The following ZNF148 variants were observed in gnomAD, a reference collection of about 807,000 sequenced individuals.
The protein encoded by ZNF148 is Beta-Enolase Repressor Factor-1.
ZNF148 carries 7 observed loss-of-function variants against 67.7 expected under a neutral mutation model. The observed-to-expected ratio is 0.10, with a 90% CI of 0.06 to 0.19. ZNF148 has a LOEUF of 0.19. ZNF148 is among the 10% of genes least tolerant of loss of function. ZNF148 has a pLI of 1.00. For synonymous variants in ZNF148, 333 were observed against 330.7 expected (o/e 1.01, Z -0.08); for missense variants, 583 against 947.1 (o/e 0.62, Z 5.05).
At chr3:125,255,930 T>G (rs539637215) in intron 7 of ZNF148, among the ~76,000 whole-genome samples, 21 of 152,280 alleles carry the variant, frequency 1.4e-4, no homozygotes, top group Non-Finnish European at 2.5e-4. Context: ...CTTGGTTCGT[T>G]TTTTAAAAAA....
chr3:125,374,217 C>T (rs2107808357), intron 1 of ZNF148, among the ~76,000 whole-genome samples: 1 of 152,240 alleles, frequency 6.6e-6, no homozygotes, highest in East Asian at 1.9e-4. Flanking sequence ...CGGCCCAGAC[C>T]CACACTTACC....
intron 7 of ZNF148, among the ~76,000 whole-genome samples, chr3:125,248,715 T>C (rs1180042075): frequency 1.3e-5 from 2 of 152,218 alleles, no homozygotes; most frequent in African/African-American, 2.4e-5. Flanking sequence ...TTCAGAAACA[T>C]GGTTTAGGTG....
intron 7 of ZNF148, among the ~76,000 whole-genome samples, chr3:125,269,917 A>G (rs1937643554): frequency 1.3e-5 from 2 of 152,094 alleles, no homozygotes; most frequent in African/African-American, 4.8e-5. Context: ...GTACACACAG[A>G]CGTAAAAAAT....
intron 7 of ZNF148, among the ~76,000 whole-genome samples, chr3:125,262,391 T>G (rs910243952): frequency 6.6e-6 from 1 of 152,238 alleles, no homozygotes; most frequent in Non-Finnish European, 1.5e-5. Flanking sequence ...GAAATTGTAG[T>G]TTGAGCTTGG....
rs1646358422 is a variant in ZNF148, at chr3:125,229,465, C to T, written c.*2876G>A. On this transcript the variant is annotated 3_prime_UTR_variant, in exon 9 of 9. Coordinates refer to ENST00000360647, the MANE Select transcript of ZNF148 (RefSeq NM_021964.3). ...ACCACATTTGCATGTAGACCCAAAA[C>T]GTTTAAGAGCCACTTAAATATTCAA... The T allele has an allele frequency of 6.6e-6, 1 of 152,086 alleles. No homozygotes were observed. Among genetic ancestry groups the T allele is most frequent in the Non-Finnish European group, 1.5e-5 (1 of 68,008 alleles). The allele number at this position is 152,086 out of a possible 1,614,324, so 9.4% of individuals were successfully genotyped here. A position where few individuals can be genotyped will look rare whatever the true frequency, so the allele number is the denominator to read the frequency against.
At chr3:125,267,180 AAGG>A (rs1937551354) in intron 7 of ZNF148, among the ~76,000 whole-genome samples, 1 of 151,984 alleles carries the variant, frequency 6.6e-6, no homozygotes, top group African/African-American at 2.4e-5. Flanking sequence ...CCAAAAAATC[AAGG>A]AGAAGGGATT....
chr3:125,292,162 A>G (rs1939051768), intron 4 of ZNF148, among the ~76,000 whole-genome samples: 1 of 152,226 alleles, frequency 6.6e-6, no homozygotes, highest in Admixed American at 6.5e-5. Flanking sequence ...AGAACAGGAC[A>G]GGGAGGTGAA....
At chr3:125,270,356 AC>A (rs1937668600) in intron 7 of ZNF148, among the ~76,000 whole-genome samples, 1 of 151,176 alleles carries the variant, frequency 6.6e-6, no homozygotes, top group South Asian at 2.1e-4. Context: ...AAAAAAAAAT[AC>A]AAAAAATTAA....
chr3:125,257,427 G>A (rs1937135659), intron 7 of ZNF148, among the ~76,000 whole-genome samples: 2 of 152,050 alleles, frequency 1.3e-5, no homozygotes, highest in Admixed American at 6.5e-5. Context: ...GTGGTGGCGT[G>A]CACCTGTAGT....
intron 4 of ZNF148, chr3:125,292,434 T>C (rs1939067080): frequency 6.6e-6 from 1 of 152,222 alleles, no homozygotes; most frequent in Non-Finnish European, 1.5e-5. Context: ...AAAGATTAAC[T>C]AGATGAACTG....
chr3:125,357,982 CT>C lies in ZNF148; in HGVS notation c.-234+17119del, dbSNP rs1264119046. Among the ~76,000 whole-genome samples, 179 of 152,290 alleles carry C rather than the reference CT, an allele frequency of 1.2e-3. 2 individuals carry two copies. Among genetic ancestry groups the C allele is most frequent in the Non-Finnish European group, 5.6e-4 (38 of 68,024 alleles). ...CCAAAAGAAATCTTCTCTAAACCAT[CT>C]TTCCATTTTACTTTTCTAATACTTG... On this transcript the variant is annotated intron_variant, in intron 1 of 8. Transcript: ENST00000360647.
At chr3:125,274,547 A>G (rs530061154) in intron 7 of ZNF148, among the ~76,000 whole-genome samples, 68 of 152,334 alleles carry the variant, frequency 4.5e-4, no homozygotes, top group African/African-American at 1.6e-3. Flanking sequence ...ATTAAATAAT[A>G]GCCTGTCTAG....
At chr3:125,242,605 T>C (rs911578106) in intron 7 of ZNF148, among the ~76,000 whole-genome samples, 2 of 152,156 alleles carry the variant, frequency 1.3e-5, no homozygotes, top group Non-Finnish European at 2.9e-5. Context: ...CACTCCAGCC[T>C]GGCAAAGGGG....
intron 7 of ZNF148, among the ~76,000 whole-genome samples, chr3:125,247,356 GA>G (rs1454500282): frequency 1.3e-5 from 2 of 152,120 alleles, no homozygotes; most frequent in Non-Finnish European, 2.9e-5. Context: ...GCAGAGTTAT[GA>G]AATTACACAT....
chr3:125,283,607 T>C (rs1383241246), intron 5 of ZNF148, among the ~76,000 whole-genome samples: 1 of 152,160 alleles, frequency 6.6e-6, no homozygotes, highest in African/African-American at 2.4e-5. Flanking sequence ...GCCAATCTTC[T>C]TCCTTCATTT....
In ZNF148 at chr3:125,323,331, G is replaced by T; in HGVS notation, c.-39C>A. The T allele has an allele frequency of 1.5e-6, 1 of 653,630 alleles. No homozygotes were observed. The highest frequency in any genetic ancestry group is 1.7e-5 in the South Asian group (1 of 58,058). The allele number at this position is 653,630 out of a possible 1,614,324, so 40.5% of individuals were successfully genotyped here. A position where few individuals can be genotyped will look rare whatever the true frequency, so the allele number is the denominator to read the frequency against. ...TACCCGAGACTAAGGTAAAAACGAA[G>T]ACTTCAAGGAAAGGAATGCTGTAGA... On this transcript the variant is annotated 5_prime_UTR_variant, in exon 3 of 9. Coordinates refer to ENST00000360647, the MANE Select transcript of ZNF148 (RefSeq NM_021964.3).
rs9917630 is a variant in ZNF148 at position 125,305,188 on chromosome 3, C to A, written c.333+8120G>T. Among the ~76,000 whole-genome samples, 843 of 152,244 alleles carry A rather than the reference C, an allele frequency of 5.5e-3. 7 individuals are homozygous for A. Among genetic ancestry groups the A allele is most frequent in the African/African-American group, 0.019 (798 of 41,532 alleles). ...ATCATCTGAATGACGGCAAATAAAACTCAGGTGCTGCCTGTCAGAATGCAA... is the reference window on the plus strand; with the variant it reads ...ATCATCTGAATGACGGCAAATAAAAATCAGGTGCTGCCTGTCAGAATGCAA... On this transcript the variant is annotated intron_variant, in intron 4 of 8. Transcript: ENST00000360647.
intron 1 of ZNF148, among the ~76,000 whole-genome samples, chr3:125,363,637 T>G (rs1228168025): frequency 6.6e-6 from 1 of 152,008 alleles, no homozygotes; most frequent in Admixed American, 6.6e-5. Context: ...CTACCCAACT[T>G]ATACCCTCAA....
chr3:125,317,090 C>G (rs1320242766), intron 3 of ZNF148, among the ~76,000 whole-genome samples: 1 of 152,108 alleles, frequency 6.6e-6, no homozygotes, highest in Non-Finnish European at 1.5e-5. Context: ...TGAAAACCAA[C>G]CACATGCAAA....
Sources: gnomAD v4.1 joint callset for allele counts (sites outside exome capture counted in the v4.1 genomes callset) on GRCh38, gnomAD v4.1.1 for gene constraint, MANE v1.5 for transcripts, NCBI Gene and HGNC (gene_info 2026-07-23, HGNC 2026-07-21) for gene names.